MYO1B: variants seen among roughly 807,000 people sequenced by gnomAD.
MYO1B encodes unconventional myosin-Ib.
In MYO1B, 72 loss-of-function variants were observed where a neutral mutation model predicts 159.7. That is an observed-to-expected ratio of 0.45 (90% confidence interval 0.37 to 0.55). The LOEUF (loss-of-function observed/expected upper bound fraction) is 0.55, where lower values mean the gene tolerates loss of function less well. Among genes scored for constraint, MYO1B ranks in the 20% least tolerant of loss-of-function variants. The probability of loss-of-function intolerance (pLI) is 0.00; values close to 1 mark genes in which losing one functional copy is unlikely to be tolerated. For missense variants in MYO1B, 1,062 were observed against 1,364.8 expected, an observed-to-expected ratio of 0.78 and a Z score of 3.50; for synonymous variants, 468 against 473.8, an observed-to-expected ratio of 0.99 and a Z score of 0.16.
rs761816095 is a variant in MYO1B, at chr2:191,346,269, A to G, written c.485A>G (p.Asn162Ser). ...AATGCCAAAACTGTAAGGAATGACA[A>G]CTCCTCTAGATTTGTAAGTATTTGT... ...FGNAKTVRND[N>S]SSRFGKYMDI... The change falls in exon 6 of 31, where the codon AAC becomes AGC. Residue 162 changes from asparagine to serine, a missense_variant. Around this residue, in one of 5 missense-constraint regions of MYO1B, gnomAD observed 415 missense variants for 544.0 expected, o/e 0.76. Coordinates refer to ENST00000392318, the MANE Select transcript of MYO1B (RefSeq NM_001130158.3). The G allele has an allele frequency of 5.1e-6, 8 of 1,571,766 alleles. No homozygotes were observed. The highest frequency in any genetic ancestry group is 1.2e-5 in the South Asian group (1 of 83,806).
intron 3 of MYO1B, among the ~76,000 whole-genome samples, chr2:191,300,525 G>C (rs1171168307): frequency 6.6e-6 from 1 of 151,404 alleles, no homozygotes; most frequent in Non-Finnish European, 1.5e-5. Flanking sequence ...TGTATTTTTA[G>C]TAGAGACAGG....
intron 3 of MYO1B, among the ~76,000 whole-genome samples, chr2:191,296,596 T>C (rs527536207): frequency 6.6e-6 from 1 of 152,164 alleles, no homozygotes; most frequent in East Asian, 1.9e-4. Flanking sequence ...AAATCCTGAG[T>C]GTTGGGTTGT....
At chr2:191,357,570 C>G (rs1330901385) in intron 7 of MYO1B, among the ~76,000 whole-genome samples, 1 of 152,190 alleles carries the variant, frequency 6.6e-6, no homozygotes, top group African/African-American at 2.4e-5. Flanking sequence ...CTCTTCTGTA[C>G]TAAATATCCA....
At chr2:191,280,844 T>A (rs1688016858) in intron 2 of MYO1B, among the ~76,000 whole-genome samples, 1 of 152,160 alleles carries the variant, frequency 6.6e-6, no homozygotes, top group Admixed American at 6.5e-5. Flanking sequence ...GCTTTTTTGA[T>A]GTTGATGTCA....
chr2:191,391,328 G>A (rs1695737216), intron 18 of MYO1B, among the ~76,000 whole-genome samples: 2 of 152,132 alleles, frequency 1.3e-5, no homozygotes, highest in South Asian at 4.1e-4. Context: ...ACTGCACCTG[G>A]CCTTTCACAG....
chr2:191,414,600 A>T lies in MYO1B; in HGVS notation c.3090A>T (p.Pro1030=), dbSNP rs1444949359. 1.7e-5 allele frequency: 28 copies of T among 1,613,804 alleles called. No individual in the cohort carries two copies. The highest frequency in any genetic ancestry group is 2.4e-5 in the Non-Finnish European group (28 of 1,179,856). The change falls in exon 29 of 31, where the codon CCA becomes CCT. Residue 1030 remains proline (P), a synonymous_variant. Coordinates refer to ENST00000392318, the MANE Select transcript of MYO1B (RefSeq NM_001130158.3). ...CTGGACAAATCAAGTCAGAGGTTCC[A>T]TTGGTGGATGTGACCAAGGTATCAA... ...QKSGQIKSEV[P]LVDVTKVSMS... is the part of the protein sequence containing the mutation.
intron 1 of MYO1B, among the ~76,000 whole-genome samples, chr2:191,261,671 A>G (rs1686819168): frequency 6.6e-6 from 1 of 152,168 alleles, no homozygotes; most frequent in Non-Finnish European, 1.5e-5. Flanking sequence ...GGCGGGACGT[A>G]GAGAGGGGTA....
At chr2:191,395,944 C>A (rs1036031543) in intron 20 of MYO1B, among the ~76,000 whole-genome samples, 1 of 152,160 alleles carries the variant, frequency 6.6e-6, no homozygotes, top group African/African-American at 2.4e-5. Flanking sequence ...TGATTGATAG[C>A]AGTTTACTTA....
Position 191,392,200 on chromosome 2 carries a change from C to T in MYO1B, c.2075C>T (p.Thr692Ile). ...RSKIFIRNPR[T>I]LFKLEDLRKQ... ...AAGATATTCATCCGAAACCCAAGAA[C>T]AGTATGTAACGAAAACCTTTACACT... The change falls in exon 19 of 31, where the codon ACA becomes ATA. Residue 692 changes from threonine (T) to isoleucine (I), a missense_variant and splice_region_variant. Thr to Ile is a moderately conservative substitution (Grantham distance 89, BLOSUM62 -1). Around this residue, in one of 5 missense-constraint regions of MYO1B, gnomAD observed 609 missense variants for 744.4 expected, o/e 0.82. Transcript: ENST00000392318. 6.3e-7 allele frequency: 1 copy of T among 1,596,258 alleles called. No individual in the cohort carries two copies. The highest frequency in any genetic ancestry group is 8.6e-7 in the Non-Finnish European group (1 of 1,167,200).
At chr2:191,261,076 C>T (rs191493354) in intron 1 of MYO1B, among the ~76,000 whole-genome samples, 20 of 152,262 alleles carry the variant, frequency 1.3e-4, no homozygotes, top group African/African-American at 4.8e-4. Context: ...AGTGGATCAG[C>T]CGATGCCATA....
chr2:191,347,008 G>T (rs2125974353), intron 6 of MYO1B, among the ~76,000 whole-genome samples: 2 of 152,256 alleles, frequency 1.3e-5, no homozygotes, highest in South Asian at 4.1e-4. Flanking sequence ...TCTGATGGTG[G>T]TGTTTTGAAA....
intron 4 of MYO1B, 112 bp from the exon 5 acceptor site, chr2:191,341,349 A>G: frequency 1.3e-6 from 1 of 752,752 alleles, no homozygotes; most frequent in Non-Finnish European, 2.2e-6. Flanking sequence ...TCCTCTAGGA[A>G]TAAAGACATT....
intron 4 of MYO1B, 75 bp from the exon 5 acceptor site, chr2:191,341,386 C>T (rs2125951802): frequency 1.6e-6 from 2 of 1,244,504 alleles, no homozygotes; most frequent in East Asian, 2.4e-5. Flanking sequence ...GGGTCTTCTC[C>T]CACATTTCCT....
chr2:191,329,179 A>G (rs1242434899), intron 3 of MYO1B, among the ~76,000 whole-genome samples: 1 of 152,154 alleles, frequency 6.6e-6, no homozygotes, highest in African/African-American at 2.4e-5. Context: ...TAAATTTTGA[A>G]GTGGGGAAGA....
intron 29 of MYO1B, among the ~76,000 whole-genome samples, chr2:191,415,590 T>TTG (rs2126181008): frequency 6.7e-6 from 1 of 149,936 alleles, no homozygotes; most frequent in African/African-American, 2.5e-5. Context: ...ATGTTTTTTT[T>TTG]TTTGTTTTGT....
Position 191,250,748 on chromosome 2 carries a change from G to C in MYO1B, c.-10+5122G>C, listed in dbSNP as rs554254742. ...AGGTATTTGTAGATGAGGGAATTGA[G>C]TCACTAGCCCAGAGGTCAAGCCTCA... On this transcript the variant is annotated intron_variant, in intron 1 of 30. Transcript: ENST00000392318. 9.2e-5 allele frequency among the ~76,000 whole-genome samples: 14 copies of C among 152,306 alleles called. No individual in the cohort carries two copies. In the South Asian group the frequency reaches 2.7e-3, roughly 29 times the overall value.
At chr2:191,394,077 A>G (rs1695923818) in intron 20 of MYO1B, among the ~76,000 whole-genome samples, 1 of 152,236 alleles carries the variant, frequency 6.6e-6, no homozygotes, top group African/African-American at 2.4e-5. Context: ...TCCAAGTTTT[A>G]CAAATTAATG....
At chr2:191,304,759 T>C (rs1689545537) in intron 3 of MYO1B, among the ~76,000 whole-genome samples, 1 of 152,238 alleles carries the variant, frequency 6.6e-6, no homozygotes, top group African/African-American at 2.4e-5. Context: ...ATTTATTAAT[T>C]GAAAAGTGTT....
chr2:191,306,811 A>G (rs1689675851), intron 3 of MYO1B, among the ~76,000 whole-genome samples: 1 of 152,198 alleles, frequency 6.6e-6, no homozygotes, highest in Non-Finnish European at 1.5e-5. Flanking sequence ...CTTGGGAAGC[A>G]GTAGTGGGTA....
Sources: allele counts gnomAD v4.1 joint callset (sites outside exome capture counted in the v4.1 genomes callset), GRCh38; gene constraint gnomAD v4.1.1; regional missense constraint gnomAD v4.1.1; transcripts MANE v1.5; gene names NCBI Gene and HGNC (gene_info 2026-07-23, HGNC 2026-07-21).